The following SORBS2 variants were observed in gnomAD, a reference collection of about 807,000 sequenced individuals.
SORBS2 encodes the protein sorbin and SH3 domain containing 2, also known as sorbin and SH3 domain-containing protein 2.
In SORBS2, 46 loss-of-function variants were observed where a neutral mutation model predicts 97.7. The observed-to-expected ratio is 0.47, with a 90% CI of 0.37 to 0.60. The LOEUF (loss-of-function observed/expected upper bound fraction) is 0.60. Among genes scored for constraint, SORBS2 ranks in the 20% least tolerant of loss-of-function variants. SORBS2 has a pLI of 0.00. For missense variants in SORBS2, 1,316 were observed against 1,282.3 expected (o/e 1.03, Z -0.40); for synonymous variants, 476 against 473.4 (o/e 1.01, Z -0.07).
chr4:185,687,293 G>T (rs1410416008), intron 2 of SORBS2, among the ~76,000 whole-genome samples: 2 of 152,168 alleles, frequency 1.3e-5, no homozygotes, highest in Non-Finnish European at 2.9e-5. Flanking sequence ...CTCCCAAAAT[G>T]CTGGAATTAC....
intron 2 of SORBS2, among the ~76,000 whole-genome samples, chr4:185,749,179 G>A (rs2098783966): frequency 6.6e-6 from 1 of 152,196 alleles, no homozygotes; most frequent in Non-Finnish European, 1.5e-5. Flanking sequence ...TGTGGATGCT[G>A]CTCCAAGCCA....
rs10007894 is a variant in SORBS2 at position 185,848,312 on chromosome 4, T to C, written c.-337-72946A>G. Among the ~76,000 whole-genome samples, 444 of 152,210 alleles carry C rather than the reference T, an allele frequency of 2.9e-3. 4 individuals carry two copies. Among genetic ancestry groups the C allele is most frequent in the African/African-American group, 0.01 (420 of 41,538 alleles). ...GCCTTTAACCACAGAACCCCTAATA[T>C]CATGGAATAAAAGAGAAGTAAAAGT... is the stretch of plus-strand genomic sequence containing the variant. On this transcript the variant is annotated intron_variant, in intron 1 of 20. Transcript: ENST00000284776.
chr4:185,920,038 C>T (rs2099260232), intron 1 of SORBS2, among the ~76,000 whole-genome samples: 1 of 152,146 alleles, frequency 6.6e-6, no homozygotes, highest in African/African-American at 2.4e-5. Context: ...AAAATGCAAG[C>T]TATATGTTAT....
chr4:185,827,890 G>GTCA (rs1377580303), intron 1 of SORBS2, among the ~76,000 whole-genome samples: 34 of 131,004 alleles, frequency 2.6e-4, no homozygotes, highest in Middle Eastern at 5.6e-3. Flanking sequence ...CATCATCAGC[G>GTCA]TCACCATCAT....
At chr4:185,717,364 G>A (rs2098474455) in intron 2 of SORBS2, among the ~76,000 whole-genome samples, 1 of 152,206 alleles carries the variant, frequency 6.6e-6, no homozygotes, top group Non-Finnish European at 1.5e-5. Flanking sequence ...TTTGCACAAA[G>A]GGAGGAGACT....
At chr4:185,669,224 G>C (rs1486769593) in intron 4 of SORBS2, among the ~76,000 whole-genome samples, 1 of 152,198 alleles carries the variant, frequency 6.6e-6, no homozygotes, top group African/African-American at 2.4e-5. Flanking sequence ...CCCATCATGG[G>C]TCAGGAAAGT....
At chr4:185,699,397 C>T (rs749855331) in intron 2 of SORBS2, among the ~76,000 whole-genome samples, 2 of 150,500 alleles carry the variant, frequency 1.3e-5, no homozygotes, top group Non-Finnish European at 2.9e-5. Flanking sequence ...AGCAATTCTC[C>T]TGCCTCATCC....
At chr4:185,638,885 G>A (rs1581560611) in intron 4 of SORBS2, 1 of 1,475,320 alleles carries the variant, frequency 6.8e-7, no homozygotes, top group Non-Finnish European at 9.0e-7. Context: ...ACCCGGGTGG[G>A]AGACAGAGCC....
chr4:185,889,422 G>C (rs1191588396), intron 1 of SORBS2, among the ~76,000 whole-genome samples: 1 of 151,280 alleles, frequency 6.6e-6, no homozygotes, highest in Non-Finnish European at 1.5e-5. Flanking sequence ...TTTCTAACCT[G>C]GTCTCCGTGT....
chr4:185,669,739 G>T (rs959707641), intron 4 of SORBS2, among the ~76,000 whole-genome samples: 1 of 152,068 alleles, frequency 6.6e-6, no homozygotes, highest in Non-Finnish European at 1.5e-5. Flanking sequence ...GAAGACCAGC[G>T]CATGCCAAGC....
chr4:185,854,303 A>G (rs996599087), intron 1 of SORBS2, among the ~76,000 whole-genome samples: 1 of 152,010 alleles, frequency 6.6e-6, no homozygotes, highest in African/African-American at 2.4e-5. Context: ...CATTTGAACT[A>G]AAATCTAACT....
intron 12 of SORBS2, among the ~76,000 whole-genome samples, chr4:185,605,152 T>C (rs1469186014): frequency 1.3e-5 from 2 of 152,232 alleles, no homozygotes; most frequent in East Asian, 1.9e-4. Flanking sequence ...TATTTTGAAA[T>C]ACAGGAACTA....
intron 1 of SORBS2, among the ~76,000 whole-genome samples, chr4:185,802,450 G>A (rs950311986): frequency 6.6e-6 from 1 of 152,188 alleles, no homozygotes; most frequent in Non-Finnish European, 1.5e-5. Flanking sequence ...AGTTGGGTCT[G>A]ACCACTTGTT....
At position 185,630,603 on chromosome 4, in the gene SORBS2, T is replaced by C; in HGVS notation, c.397-5A>G. The C allele has an allele frequency of 6.3e-7, 1 of 1,583,972 alleles. No homozygotes were observed. The highest frequency in any genetic ancestry group is 8.6e-7 in the Non-Finnish European group (1 of 1,160,896). On this transcript the variant is annotated splice_region_variant and splice_polypyrimidine_tract_variant and intron_variant, in intron 4 of 14. Transcript: ENST00000418609. ...AGAGGACTGATACAAGGAGGCCTGTTAAGATAGGATAATAGTACCATGAAA... is the reference window on the plus strand; with the variant it reads ...AGAGGACTGATACAAGGAGGCCTGTCAAGATAGGATAATAGTACCATGAAA...
chr4:185,656,740 T>C (rs1378083000), exon 1 of SORBS2: 7 of 1,538,094 alleles, frequency 4.6e-6, no homozygotes, highest in Non-Finnish European at 4.4e-6. Context: ...CTGCCTCTGC[T>C]ACTGCTGCGT....
chr4:185,625,537 T>A (rs2096796033), intron 6 of SORBS2, among the ~76,000 whole-genome samples: 1 of 152,262 alleles, frequency 6.6e-6, no homozygotes, highest in African/African-American at 2.4e-5. Flanking sequence ...GAAGTTGATT[T>A]AACATTCCCT....
intron 2 of SORBS2, chr4:185,757,046 C>T: frequency 1.3e-6 from 1 of 788,346 alleles, no homozygotes; most frequent in South Asian, 1.4e-5. Context: ...GCATGATGAA[C>T]TTCGCAGGCT....
intron 1 of SORBS2, chr4:185,919,384 A>T (rs1209975630): frequency 6.6e-6 from 1 of 152,258 alleles, no homozygotes; most frequent in Non-Finnish European, 1.5e-5. Flanking sequence ...CTCCTCATCA[A>T]GATGAACATA....
intron 1 of SORBS2, among the ~76,000 whole-genome samples, chr4:185,825,842 C>T (rs2099199486): frequency 1.3e-5 from 2 of 152,028 alleles, no homozygotes; most frequent in Admixed American, 1.3e-4. Flanking sequence ...GGGCCTAAGT[C>T]CACTGTGAAG....
Sources: allele counts gnomAD v4.1 joint callset (sites outside exome capture counted in the v4.1 genomes callset), GRCh38; gene constraint gnomAD v4.1.1; transcripts MANE v1.5; gene names NCBI Gene and HGNC (gene_info 2026-07-23, HGNC 2026-07-21).